Variants in EIF3A observed in about 807,000 individuals in gnomAD.
EIF3A encodes the protein EIF3, p180 subunit.
A neutral mutation model predicts 186.6 loss-of-function variants in EIF3A; 21 were observed. That is an observed-to-expected ratio of 0.11 (90% CI 0.08 to 0.16). The LOEUF is 0.16. Ranked by LOEUF, EIF3A falls within the 10% of genes least tolerant of loss-of-function variation. EIF3A has a pLI of 1.00. For missense variants in EIF3A, 1,306 were observed against 1,796.3 expected (o/e 0.73, Z 4.93); for synonymous variants, 563 against 584.3 (o/e 0.96, Z 0.52).
rs1369738240 is a variant in EIF3A at position 119,050,585 on chromosome 10, C to T, written c.2409G>A (p.Arg803=). 1 of 1,613,926 alleles carries T rather than the reference C, an allele frequency of 6.2e-7. No homozygotes were observed. The highest frequency in any genetic ancestry group is 8.5e-7 in the Non-Finnish European group (1 of 1,179,986). The part of the protein sequence containing the change: ...ERKRQRKEER[R]ITYYREKEEE... ...CTTCTTTTTCTCTATAGTATGTTAT[C>T]CTGCGTTCTTCTTTACGCTGCCTTT... is the stretch of plus-strand genomic sequence containing the variant. Residue 803 remains arginine, a synonymous_variant, in exon 16 of 22, where the codon AGG becomes AGA. Coordinates refer to ENST00000369144, the MANE Select transcript of EIF3A (RefSeq NM_003750.4).
intron 6 of EIF3A, among the ~76,000 whole-genome samples, chr10:119,066,781 A>G (rs1296930006): frequency 6.6e-6 from 1 of 152,164 alleles, no homozygotes; most frequent in Non-Finnish European, 1.5e-5. Context: ...CAAGATACTT[A>G]ATTTTCTGAG....
intron 4 of EIF3A, among the ~76,000 whole-genome samples, chr10:119,071,874 A>C (rs890031732): frequency 2.6e-5 from 4 of 151,954 alleles, no homozygotes; most frequent in African/African-American, 9.7e-5. Flanking sequence ...AAATACAAAA[A>C]ATTAGCCGAG....
In EIF3A at chr10:119,073,771, G is replaced by A; in HGVS notation, c.216C>T (p.Tyr72=). The A allele has an allele frequency of 1.2e-6, 2 of 1,612,274 alleles. No homozygotes were observed. The highest frequency in any genetic ancestry group is 2.2e-5 in the East Asian group (1 of 44,852). The part of the protein sequence containing the change: ...RKSHLAKEGL[Y]QYKNICQQVN... Reference sequence around the variant, plus strand: ...CCTGTTGACAAATGTTCTTATACTGGTATAACCCCTCCTTTGCCAAGTGGC... The same window carrying A: ...CCTGTTGACAAATGTTCTTATACTGATATAACCCCTCCTTTGCCAAGTGGC... Residue 72 remains tyrosine (Y), a synonymous_variant, in exon 2 of 22, where the codon TAC becomes TAT. Transcript: ENST00000369144.
intron 1 of EIF3A, among the ~76,000 whole-genome samples, chr10:119,075,640 C>CTATATATATA (rs1359366760): frequency 2.2e-5 from 1 of 44,740 alleles, no homozygotes; most frequent in Admixed American, 3.7e-4. Flanking sequence ...GCTTAAAACA[C>CTATATATATA]TATATATATA....
intron 1 of EIF3A, among the ~76,000 whole-genome samples, chr10:119,079,026 A>C (rs1279132543): frequency 6.6e-6 from 1 of 152,230 alleles, no homozygotes; most frequent in Non-Finnish European, 1.5e-5. Context: ...TAGTAATTTC[A>C]TGCAAATCAT....
chr10:119,042,161 C>G lies in EIF3A; in HGVS notation c.3359G>C (p.Trp1120Ser). The change falls in exon 19 of 22, where the codon TGG becomes TCG. Residue 1120 changes from tryptophan to serine, a missense_variant. Trp to Ser is a radical substitution (Grantham distance 177). Around this residue, in one of 8 missense-constraint regions of EIF3A, gnomAD observed 331 missense variants for 365.8 expected, o/e 0.90. Transcript: ENST00000369144. The surrounding 1 kb of genome is among the most constrained non-coding windows in gnomAD (Gnocchi z 7.8). Reference protein sequence around the residue: ...RRGLDDDRGPWRNADDDRIPR... With the variant: ...RRGLDDDRGPSRNADDDRIPR... ...AATTCTGTCATCATCGGCGTTCCTCCAAGGTCCTCGATCATCATCCAACCC... is the reference window on the plus strand; with the variant it reads ...AATTCTGTCATCATCGGCGTTCCTCGAAGGTCCTCGATCATCATCCAACCC... 1 of 1,614,160 alleles carries G rather than the reference C, an allele frequency of 6.2e-7. No individual in the cohort carries two copies. The highest frequency in any genetic ancestry group is 8.5e-7 in the Non-Finnish European group (1 of 1,180,028).
chr10:119,079,663 T>C (rs1330309326), intron 1 of EIF3A, among the ~76,000 whole-genome samples: 1 of 151,826 alleles, frequency 6.6e-6, no homozygotes, highest in African/African-American at 2.4e-5. Flanking sequence ...AACGCCAATG[T>C]AATAAATGCC....
chr10:119,046,166 C>T (rs1848280709), intron 17 of EIF3A, among the ~76,000 whole-genome samples: 1 of 152,164 alleles, frequency 6.6e-6, no homozygotes, highest in Non-Finnish European at 1.5e-5. Context: ...TTTTAACTTC[C>T]TTTACCGCAA....
chr10:119,061,182 C>T, intron 8 of EIF3A, 42 bp downstream of exon 8: 1 of 1,168,482 alleles, frequency 8.6e-7, no homozygotes, highest in Admixed American at 2.1e-5. Context: ...GCAAGAAGGC[C>T]AACTCTGTGG....
chr10:119,036,568 G>A (rs1221543649), intron 21 of EIF3A, among the ~76,000 whole-genome samples: 1 of 152,102 alleles, frequency 6.6e-6, no homozygotes, highest in Non-Finnish European at 1.5e-5. Context: ...AAATCTGGCT[G>A]AATGAAAATT....
At position 119,052,531 on chromosome 10, in the gene EIF3A, T is replaced by C. The variant is rs551666846; in HGVS notation, c.2197-1210A>G. Among the ~76,000 whole-genome samples, 14 of 152,114 alleles carry C rather than the reference T, an allele frequency of 9.2e-5. No homozygotes were observed. The South Asian group carries it at 2.7e-3, about 29-fold the overall frequency. On this transcript the variant is annotated intron_variant, in intron 14 of 21. Coordinates refer to ENST00000369144, the MANE Select transcript of EIF3A (RefSeq NM_003750.4). The stretch of plus-strand genomic sequence containing the variant: ...CTGGAACTGCAGGCACACTCCACCA[T>C]GCCTGGCTAATTTTCCTGTTTTTTT...
At chr10:119,047,943 A>G (rs1286317545) in intron 17 of EIF3A, among the ~76,000 whole-genome samples, 1 of 152,144 alleles carries the variant, frequency 6.6e-6, no homozygotes, top group Non-Finnish European at 1.5e-5. Flanking sequence ...TAAGCAAGCA[A>G]TACTTTAAGG....
chr10:119,052,098 A>T (rs1564752507), intron 14 of EIF3A, among the ~76,000 whole-genome samples: 2 of 152,338 alleles, frequency 1.3e-5, no homozygotes, highest in East Asian at 3.8e-4. Flanking sequence ...TTCATCTAGC[A>T]TGTGGCACTG....
intron 18 of EIF3A, among the ~76,000 whole-genome samples, chr10:119,043,812 C>T (rs974338204): frequency 6.7e-6 from 1 of 148,852 alleles, no homozygotes; most frequent in South Asian, 2.2e-4. Context: ...CCCAGCTATT[C>T]GAGAGGCTGA....
rs761563975 is a variant in EIF3A, at chr10:119,072,995, A to G, written c.436T>C (p.Leu146=). ...CACAGGAATTTAACCCATGGAGTTA[A>G]AAGTAATCTGTCAGTACGATCCTGA... The part of the protein sequence containing the change: ...DTQDRTDRLL[L]TPWVKFLWES... Residue 146 remains leucine, a synonymous_variant, in exon 4 of 22, where the codon TTA becomes CTA. Coordinates refer to ENST00000369144, the MANE Select transcript of EIF3A (RefSeq NM_003750.4). 6 of 1,614,204 alleles carry G rather than the reference A, an allele frequency of 3.7e-6. No individual in the cohort carries two copies. The South Asian group carries it at 6.6e-5, about 18-fold the overall frequency.
chr10:119,043,845 A>G (rs1848247461), intron 18 of EIF3A, among the ~76,000 whole-genome samples: 3 of 152,114 alleles, frequency 2.0e-5, no homozygotes. Context: ...CAGGAGGCAG[A>G]GGTTGCAGGG....
At chr10:119,060,107 C>T in intron 9 of EIF3A, 1 of 510,356 alleles carries the variant, frequency 2.0e-6, no homozygotes, top group Non-Finnish European at 3.9e-6. Flanking sequence ...ACACTACTCA[C>T]ATAAAAGAAA....
In EIF3A at chr10:119,074,396, CG is replaced by C. The variant is rs1844123643; in HGVS notation, c.50-460del. ...AGGAGAATCACTTGAACCCAGGAGGCGGAGGTTGCAGTGAGCCGAGATCGCA... is the reference window on the plus strand; with the variant it reads ...AGGAGAATCACTTGAACCCAGGAGGCGAGGTTGCAGTGAGCCGAGATCGCA... On this transcript the variant is annotated intron_variant, in intron 1 of 21. Coordinates refer to ENST00000369144, the MANE Select transcript of EIF3A (RefSeq NM_003750.4). Among the ~76,000 whole-genome samples, 14 of 151,954 alleles carry C rather than the reference CG, an allele frequency of 9.2e-5. No individual in the cohort carries two copies. In the South Asian group the frequency reaches 2.9e-3, roughly 32 times the overall value.
chr10:119,076,323 A>C (rs1319262435), intron 1 of EIF3A, among the ~76,000 whole-genome samples: 6 of 466 alleles, frequency 0.013, no homozygotes, highest in African/African-American at 0.017. Flanking sequence ...ACAAGTCTCC[A>C]AAAAAAAAAA....
Sources: gnomAD v4.1 joint callset for allele counts (sites outside exome capture counted in the v4.1 genomes callset) on GRCh38, gnomAD v4.1.1 for gene constraint, gnomAD v4.1.1 regional missense constraint, Gnocchi (gnomAD v3.1) non-coding constraint, MANE v1.5 for transcripts, NCBI Gene and HGNC (gene_info 2026-07-23, HGNC 2026-07-21) for gene names.